The following SLC35F1 variants were observed in gnomAD, a reference collection of about 807,000 sequenced individuals.
The protein encoded by SLC35F1 is solute carrier family 35 member F1.
In SLC35F1, 14 loss-of-function variants were observed where a neutral mutation model predicts 48.7. The ratio of observed to expected loss-of-function variants is 0.29; its 90% CI spans 0.19 to 0.45. The LOEUF is 0.45. SLC35F1 is among the 20% of genes least tolerant of loss of function. The probability of loss-of-function intolerance (pLI) is 1.00; values close to 1 mark genes in which losing one functional copy is unlikely to be tolerated. For synonymous variants in SLC35F1, 190 were observed against 202.2 expected (o/e 0.94, Z 0.51); for missense variants, 404 against 500.0 (o/e 0.81, Z 1.83).
chr6:118,247,224 G>T (rs1775518882), intron 3 of SLC35F1, among the ~76,000 whole-genome samples: 1 of 152,298 alleles, frequency 6.6e-6, no homozygotes, highest in African/African-American at 2.4e-5. Context: ...GAAAGAATTT[G>T]CTGGAGACAA....
At chr6:118,207,429 T>G (rs75048682) in intron 2 of SLC35F1, among the ~76,000 whole-genome samples, 2 of 152,224 alleles carry the variant, frequency 1.3e-5, no homozygotes, top group East Asian at 1.9e-4. Flanking sequence ...GAATATGACT[T>G]AGAATCATTT....
chr6:117,910,211 A>G (rs1775744658), intron 1 of SLC35F1, among the ~76,000 whole-genome samples: 1 of 152,170 alleles, frequency 6.6e-6, no homozygotes, highest in South Asian at 2.1e-4. Flanking sequence ...GTGGCTATAG[A>G]GTGATTAGGC....
At chr6:118,021,688 C>T (rs1376316187) in intron 1 of SLC35F1, among the ~76,000 whole-genome samples, 2 of 152,214 alleles carry the variant, frequency 1.3e-5, no homozygotes, top group Non-Finnish European at 2.9e-5. Context: ...CATAACAAAC[C>T]ATCCCAAGAC....
intron 1 of SLC35F1, among the ~76,000 whole-genome samples, chr6:118,116,586 CT>C (rs1410005551): frequency 6.6e-6 from 1 of 152,208 alleles, no homozygotes; most frequent in Non-Finnish European, 1.5e-5. Flanking sequence ...TTAGTTTTCC[CT>C]TTTCAAGTTG....
intron 2 of SLC35F1, among the ~76,000 whole-genome samples, chr6:118,209,138 C>T (rs1774972747): frequency 1.3e-5 from 2 of 152,208 alleles, no homozygotes; most frequent in African/African-American, 4.8e-5. Context: ...GCTATTAGAT[C>T]ATTCCCTCTT....
chr6:117,944,068 A>G (rs1455836336), intron 1 of SLC35F1, among the ~76,000 whole-genome samples: 1 of 152,206 alleles, frequency 6.6e-6, no homozygotes, highest in East Asian at 1.9e-4. Flanking sequence ...TTTCATTGTC[A>G]TTTATTTTTG....
chr6:118,167,145 T>G (rs1264017154), intron 2 of SLC35F1, among the ~76,000 whole-genome samples: 1 of 151,968 alleles, frequency 6.6e-6, no homozygotes, highest in Non-Finnish European at 1.5e-5. Flanking sequence ...CCTAATTGAG[T>G]AAAGATGATC....
At chr6:118,244,343 C>G (rs559985673) in intron 3 of SLC35F1, among the ~76,000 whole-genome samples, 1 of 152,260 alleles carries the variant, frequency 6.6e-6, no homozygotes, top group Admixed American at 6.5e-5. Context: ...ATTGAAGCAG[C>G]AATGTTACAG....
At chr6:117,934,437 G>C (rs1201120030) in intron 1 of SLC35F1, among the ~76,000 whole-genome samples, 5 of 152,036 alleles carry the variant, frequency 3.3e-5, no homozygotes, top group African/African-American at 1.2e-4. Context: ...AATTATTAAG[G>C]ATATATTTTT....
In SLC35F1 at chr6:117,919,491, C is replaced by T. The variant is rs904404427; in HGVS notation, c.173+11592C>T. Among the ~76,000 whole-genome samples, 7 of 152,012 alleles carry T rather than the reference C, an allele frequency of 4.6e-5. No homozygotes were observed. In the South Asian group the frequency reaches 8.3e-4, roughly 18 times the overall value. On this transcript the variant is annotated intron_variant, in intron 1 of 7. Transcript: ENST00000360388. ...GAGAGCCTGGGTTTTCGTGGCTTTG[C>T]GCTGTCATCTGGCCTGTGATAAATG... is the stretch of plus-strand genomic sequence containing the variant.
At chr6:118,045,502 A>G (rs776424557) in intron 1 of SLC35F1, among the ~76,000 whole-genome samples, 12 of 152,152 alleles carry the variant, frequency 7.9e-5, no homozygotes, top group Non-Finnish European at 1.8e-4. Context: ...ACTTTTGGAC[A>G]TTTATCTCCC....
At chr6:117,939,144 C>T (rs1776197622) in intron 1 of SLC35F1, among the ~76,000 whole-genome samples, 1 of 151,864 alleles carries the variant, frequency 6.6e-6, no homozygotes, top group Non-Finnish European at 1.5e-5. Flanking sequence ...TGACTACAGG[C>T]ACGCATCACC....
chr6:118,055,293 T>G (rs939186577), intron 1 of SLC35F1, among the ~76,000 whole-genome samples: 8 of 152,192 alleles, frequency 5.3e-5, no homozygotes, highest in African/African-American at 1.4e-4. Flanking sequence ...GTTAGTTGTA[T>G]TTGGTTTATC....
At chr6:118,180,719 A>C (rs1774563502) in intron 2 of SLC35F1, among the ~76,000 whole-genome samples, 1 of 152,098 alleles carries the variant, frequency 6.6e-6, no homozygotes, top group Non-Finnish European at 1.5e-5. Context: ...GAGAGTGAGA[A>C]TGTGCAATAT....
At chr6:118,093,844 AGTGTG>A (rs1562288058) in intron 1 of SLC35F1, among the ~76,000 whole-genome samples, 1 of 152,230 alleles carries the variant, frequency 6.6e-6, no homozygotes, top group Non-Finnish European at 1.5e-5. Flanking sequence ...AAACCAAGAC[AGTGTG>A]GTGTCCTGAA....
At chr6:118,100,820 G>A (rs1421936001) in intron 1 of SLC35F1, among the ~76,000 whole-genome samples, 1 of 152,164 alleles carries the variant, frequency 6.6e-6, no homozygotes, top group Non-Finnish European at 1.5e-5. Flanking sequence ...GTGGTACAAA[G>A]CTACAACCAT....
intron 3 of SLC35F1, among the ~76,000 whole-genome samples, chr6:118,265,215 T>C (rs1352749175): frequency 6.6e-6 from 1 of 152,230 alleles, no homozygotes; most frequent in Non-Finnish European, 1.5e-5. Context: ...GAAGCCACTC[T>C]GATGTTCAGG....
At chr6:118,170,362 A>G (rs1199013747) in intron 2 of SLC35F1, among the ~76,000 whole-genome samples, 1 of 152,220 alleles carries the variant, frequency 6.6e-6, no homozygotes, top group African/African-American at 2.4e-5. Flanking sequence ...ATATGTTTAT[A>G]TGCTAAATTC....
chr6:118,069,427 C>T (rs536412793), intron 1 of SLC35F1, among the ~76,000 whole-genome samples: 9 of 152,218 alleles, frequency 5.9e-5, no homozygotes, highest in African/African-American at 2.2e-4. Context: ...AGAGAAGAAT[C>T]AGATGTATTA....
Sources: allele counts gnomAD v4.1 joint callset (sites outside exome capture counted in the v4.1 genomes callset), GRCh38; gene constraint gnomAD v4.1.1; transcripts MANE v1.5; gene names NCBI Gene and HGNC (gene_info 2026-07-23, HGNC 2026-07-21).